The following NLGN1 variants were observed in gnomAD, a reference collection of about 807,000 sequenced individuals.
NLGN1 encodes the protein neuroligin-1.
In NLGN1, 12 loss-of-function variants were observed where a neutral mutation model predicts 65.5. That is an observed-to-expected ratio of 0.18 (90% CI 0.12 to 0.30). The LOEUF (loss-of-function observed/expected upper bound fraction) is 0.30. Ranked by LOEUF, NLGN1 falls within the 10% of genes least tolerant of loss-of-function variation. The pLI is 1.00. For missense variants in NLGN1, 750 were observed against 1,007.1 expected (o/e 0.74, Z 3.46); for synonymous variants, 350 against 359.5 (o/e 0.97, Z 0.30).
At chr3:174,248,012 T>C (rs949704939) in intron 4 of NLGN1, among the ~76,000 whole-genome samples, 3 of 152,250 alleles carry the variant, frequency 2.0e-5, no homozygotes, top group African/African-American at 7.2e-5. Flanking sequence ...TTCATTCATA[T>C]TGGCTGTTAG....
intron 3 of NLGN1, chr3:173,800,422 T>G (rs1282012862): frequency 6.2e-6 from 3 of 481,000 alleles, no homozygotes; most frequent in African/African-American, 4.2e-5. Flanking sequence ...TTTCTATTTT[T>G]TTACTTCTTG....
At chr3:174,122,336 C>A (rs941879958) in intron 4 of NLGN1, among the ~76,000 whole-genome samples, 1 of 152,066 alleles carries the variant, frequency 6.6e-6, no homozygotes, top group Non-Finnish European at 1.5e-5. Flanking sequence ...TGCATGTTAT[C>A]TAAGAGGCTG....
chr3:174,292,799 TATC>T, the NLGN1 span, among the ~76,000 whole-genome samples: 1 of 151,436 alleles, frequency 6.6e-6, no homozygotes, highest in South Asian at 2.1e-4. Flanking sequence ...AATAATGAGT[TATC>T]ATGTGTCTCC....
At chr3:173,592,221 T>A (rs1748619864) in intron 2 of NLGN1, among the ~76,000 whole-genome samples, 1 of 152,138 alleles carries the variant, frequency 6.6e-6, no homozygotes. Context: ...TCAGAATAAA[T>A]AGAAAGTAAA....
intron 4 of NLGN1, among the ~76,000 whole-genome samples, chr3:174,248,296 A>C (rs572226494): frequency 6.6e-6 from 1 of 152,156 alleles, no homozygotes; most frequent in Admixed American, 6.5e-5. Flanking sequence ...TTTCCCCTCA[A>C]CCTTCTCAAA....
intron 3 of NLGN1, among the ~76,000 whole-genome samples, chr3:173,719,693 A>G (rs993594076): frequency 2.6e-5 from 4 of 152,218 alleles, no homozygotes; most frequent in African/African-American, 7.2e-5. Flanking sequence ...ACTATGCTGG[A>G]GACAGAAGTT....
At chr3:173,488,391 T>A (rs1049518992) in intron 2 of NLGN1, among the ~76,000 whole-genome samples, 4 of 152,128 alleles carry the variant, frequency 2.6e-5, no homozygotes, top group African/African-American at 9.6e-5. Flanking sequence ...CATTATTTTT[T>A]ATTTTCCCCC....
chr3:174,268,157 G>A (rs572154635), intron 4 of NLGN1, among the ~76,000 whole-genome samples: 2 of 152,172 alleles, frequency 1.3e-5, no homozygotes, highest in South Asian at 4.1e-4. Flanking sequence ...ACATATTCCC[G>A]CACAATCAAA....
intron 3 of NLGN1, among the ~76,000 whole-genome samples, chr3:173,769,947 A>C (rs1779341391): frequency 6.6e-6 from 1 of 152,190 alleles, no homozygotes; most frequent in South Asian, 2.1e-4. Flanking sequence ...TCCCTGCTTT[A>C]TGATTTCTGC....
chr3:173,525,269 T>A (rs555151947), intron 2 of NLGN1, among the ~76,000 whole-genome samples: 2 of 151,884 alleles, frequency 1.3e-5, no homozygotes, highest in South Asian at 4.1e-4. Flanking sequence ...TGTTGGAAGA[T>A]GTTTTATTAC....
intron 4 of NLGN1, among the ~76,000 whole-genome samples, chr3:174,036,461 T>C (rs1164335743): frequency 6.6e-6 from 1 of 152,130 alleles, no homozygotes; most frequent in Non-Finnish European, 1.5e-5. Context: ...CTATTACACA[T>C]GAGAAACTTT....
chr3:173,777,505 C>T (rs7647199), intron 3 of NLGN1, among the ~76,000 whole-genome samples: 122,675 of 151,826 alleles, frequency 0.81, 50,391 homozygotes, highest in Non-Finnish European at 0.85. Flanking sequence ...TTTTTATTTC[C>T]TTGTAGTGAG....
At chr3:174,230,948 A>G (rs34880602) in intron 4 of NLGN1, among the ~76,000 whole-genome samples, 48,150 of 151,980 alleles carry the variant, frequency 0.32, 8,224 homozygotes, top group East Asian at 0.52. Flanking sequence ...CTTGTGACTA[A>G]TTTGTTAGTC....
At chr3:173,415,182 A>G (rs1384622174) in intron 1 of NLGN1, among the ~76,000 whole-genome samples, 2 of 152,228 alleles carry the variant, frequency 1.3e-5, no homozygotes, top group Non-Finnish European at 2.9e-5. Context: ...AAATAATTGT[A>G]GTAACTCAGT....
rs2150471168 is a variant in NLGN1 at position 173,810,860 on chromosome 3, T to C, written c.646+3028T>C. Reference sequence around the variant, plus strand: ...TACCGACACCCTTTAGTGGTTTCCTTTCCAGTGGTAACACAGAATATCACT... The same window carrying C: ...TACCGACACCCTTTAGTGGTTTCCTCTCCAGTGGTAACACAGAATATCACT... On this transcript the variant is annotated intron_variant, in intron 4 of 6. Transcript: ENST00000457714. Among the ~76,000 whole-genome samples, 2 of 152,334 alleles carry C rather than the reference T, an allele frequency of 1.3e-5. 1 individual carries two copies. The highest frequency in any genetic ancestry group is 4.1e-4 in the South Asian group (2 of 4,824).
chr3:173,495,245 C>T (rs1358120442), intron 2 of NLGN1, among the ~76,000 whole-genome samples: 3 of 151,616 alleles, frequency 2.0e-5, no homozygotes, highest in African/African-American at 7.3e-5. Flanking sequence ...TATGGTGATG[C>T]TATTGCAAAC....
At chr3:173,504,761 C>G (rs762055888) in intron 2 of NLGN1, among the ~76,000 whole-genome samples, 10 of 152,188 alleles carry the variant, frequency 6.6e-5, no homozygotes, top group Admixed American at 2.6e-4. Context: ...TTGGTGATCT[C>G]TCAGCAACAT....
At chr3:173,745,629 C>T (rs1043443245) in intron 3 of NLGN1, among the ~76,000 whole-genome samples, 6 of 151,932 alleles carry the variant, frequency 3.9e-5, no homozygotes, top group African/African-American at 1.5e-4. Flanking sequence ...ATCAGCCCCA[C>T]ACCTAACATT....
intron 2 of NLGN1, among the ~76,000 whole-genome samples, chr3:173,597,027 T>C (rs968249241): frequency 6.6e-6 from 1 of 152,196 alleles, no homozygotes; most frequent in Non-Finnish European, 1.5e-5. Context: ...CCACACTCTT[T>C]GGAGCTGCTG....
Sources: allele counts gnomAD v4.1 joint callset (sites outside exome capture counted in the v4.1 genomes callset), GRCh38; gene constraint gnomAD v4.1.1; transcripts MANE v1.5; gene names NCBI Gene and HGNC (gene_info 2026-07-23, HGNC 2026-07-21).